The following FGD4 variants were observed in gnomAD, a reference collection of about 807,000 sequenced individuals.
FGD4 encodes the protein FYVE, RhoGEF and PH domain-containing protein 4.
Under a neutral mutation model 102.0 loss-of-function variants are expected in FGD4, and 42 were observed. The ratio of observed to expected loss-of-function variants is 0.41; its 90% CI spans 0.32 to 0.53. FGD4 has a LOEUF of 0.53. FGD4 is among the 20% of genes least tolerant of loss of function. The pLI is 0.21. For synonymous variants in FGD4, 380 were observed against 375.7 expected (o/e 1.01, Z -0.13); for missense variants, 902 against 1,078.2 (o/e 0.84, Z 2.29).
intron 1 of FGD4, among the ~76,000 whole-genome samples, chr12:32,495,326 C>G (rs1321497130): frequency 1.3e-5 from 2 of 152,104 alleles, no homozygotes; most frequent in Admixed American, 6.5e-5. Flanking sequence ...CATGATTCGC[C>G]CCATATTTCA....
In FGD4 at chr12:32,576,393, CT is replaced by C; in HGVS notation, c.448del (p.Ser150GlnfsTer27). On this transcript the variant is annotated frameshift_variant, in exon 3 of 17. Coordinates refer to ENST00000534526, the MANE Select transcript of FGD4 (RefSeq NM_001370298.3). LOFTEE classifies it high-confidence loss of function. ...EIKPASASCVSKEKPSKVSDL... is the reference protein window; with the variant it reads ...EIKPASASCVXKEKPSKVSDL... Reference sequence around the variant, plus strand: ...TTAAACCTGCCTCTGCTTCTTGTGTCTCAAAAGAAAAACCCAGTAAGGTATC... The same window carrying C: ...TTAAACCTGCCTCTGCTTCTTGTGTCCAAAAGAAAAACCCAGTAAGGTATC... 6.2e-7 allele frequency: 1 copy of C among 1,614,062 alleles called. No homozygotes were observed. Among genetic ancestry groups the C allele is most frequent in the Non-Finnish European group, 8.5e-7 (1 of 1,180,020 alleles).
chr12:32,557,753 AAG>A (rs146043736), intron 1 of FGD4, among the ~76,000 whole-genome samples: 1,593 of 152,288 alleles, frequency 0.01, 36 homozygotes, highest in African/African-American at 0.036. Flanking sequence ...TCCCCATAGC[AAG>A]AGAGTTGTAA....
chr12:32,542,979 C>T (rs189894797), intron 1 of FGD4, among the ~76,000 whole-genome samples: 83 of 152,270 alleles, frequency 5.5e-4, no homozygotes, highest in Non-Finnish European at 2.4e-4. Context: ...CTGGAGTTAG[C>T]GTCAGATCCC....
At chr12:32,541,217 A>G (rs890911312) in intron 1 of FGD4, among the ~76,000 whole-genome samples, 1 of 152,198 alleles carries the variant, frequency 6.6e-6, no homozygotes, top group African/African-American at 2.4e-5. Flanking sequence ...ACAATCCCCT[A>G]CACTGTTAGA....
intron 1 of FGD4, among the ~76,000 whole-genome samples, chr12:32,480,695 T>C (rs564932214): frequency 3.3e-5 from 5 of 151,800 alleles, no homozygotes; most frequent in South Asian, 2.1e-4. Flanking sequence ...GAGACGGGGT[T>C]TCACCATGTT....
intron 1 of FGD4, among the ~76,000 whole-genome samples, chr12:32,540,107 A>G (rs1011493086): frequency 9.9e-5 from 15 of 152,226 alleles, no homozygotes; most frequent in Non-Finnish European, 1.9e-4. Context: ...TTGATACAGA[A>G]TGGTAACAAG....
chr12:32,500,798 T>G (rs1483183064), intron 1 of FGD4, among the ~76,000 whole-genome samples: 1 of 152,174 alleles, frequency 6.6e-6, no homozygotes, highest in Non-Finnish European at 1.5e-5. Context: ...TGCATCACCA[T>G]TCTTCTAATT....
intron 1 of FGD4, among the ~76,000 whole-genome samples, chr12:32,527,685 C>T (rs1941395321): frequency 6.6e-6 from 1 of 152,164 alleles, no homozygotes; most frequent in South Asian, 2.1e-4. Context: ...GCCTCGTCCT[C>T]CCAAAGTGCT....
At chr12:32,529,659 A>G (rs1429444200) in intron 1 of FGD4, among the ~76,000 whole-genome samples, 1 of 151,662 alleles carries the variant, frequency 6.6e-6, no homozygotes, top group Non-Finnish European at 1.5e-5. Context: ...CCTGACCAAC[A>G]TGGTGAAACC....
At chr12:32,472,609 C>T (rs911595570) in intron 1 of FGD4, among the ~76,000 whole-genome samples, 1 of 152,228 alleles carries the variant, frequency 6.6e-6, no homozygotes, top group Non-Finnish European at 1.5e-5. Context: ...CCAAGCCTCC[C>T]GGACGAGCAC....
At chr12:32,443,695 C>T (rs902006947) in intron 1 of FGD4, among the ~76,000 whole-genome samples, 1 of 150,742 alleles carries the variant, frequency 6.6e-6, no homozygotes, top group African/African-American at 2.4e-5. Context: ...CTAGTGGTGG[C>T]GAAACATGGA....
In FGD4 at chr12:32,601,397, A is replaced by G; in HGVS notation, c.1221A>G (p.Pro407=). The G allele has an allele frequency of 6.2e-7, 1 of 1,614,020 alleles. No homozygotes were observed. The highest frequency in any genetic ancestry group is 1.3e-5 in the African/African-American group (1 of 75,044). The part of the protein sequence containing the change: ...INAFHSKFLL[P]ELEKRMQEWE... ...CCTTCCATAGTAAATTCCTCTTGCC[A>G]GAGCTGGAGAAACGAATGCAAGAAT... The change falls in exon 6 of 17, where the codon CCA becomes CCG. Residue 407 remains proline, a synonymous_variant. Coordinates refer to ENST00000534526, the MANE Select transcript of FGD4 (RefSeq NM_001370298.3).
intron 1 of FGD4, among the ~76,000 whole-genome samples, chr12:32,493,217 T>G (rs1303301217): frequency 6.6e-6 from 1 of 151,868 alleles, no homozygotes; most frequent in African/African-American, 2.4e-5. Context: ...GAAAAAAGGG[T>G]TTTTGTTTTG....
chr12:32,498,476 T>C (rs976537800), intron 1 of FGD4, among the ~76,000 whole-genome samples: 4 of 152,202 alleles, frequency 2.6e-5, no homozygotes, highest in Non-Finnish European at 5.9e-5. Context: ...TACACCCACA[T>C]CCCATTAGTA....
In FGD4 at chr12:32,550,115, C is replaced by T. The variant is rs114364702; in HGVS notation, c.167-14022C>T. On this transcript the variant is annotated intron_variant, in intron 1 of 16. Transcript: ENST00000534526. ...TTCTTTTCCCATTAGCCATGAGTTA[C>T]TTGAGGGTGAAGATAGTGTCTTATT... Among the ~76,000 whole-genome samples, 549 of 152,154 alleles carry T rather than the reference C, an allele frequency of 3.6e-3. 6 individuals carry two copies. Among genetic ancestry groups the T allele is most frequent in the African/African-American group, 0.013 (525 of 41,506 alleles).
intron 1 of FGD4, among the ~76,000 whole-genome samples, chr12:32,557,152 A>C (rs1051143684): frequency 6.6e-6 from 1 of 152,246 alleles, no homozygotes; most frequent in East Asian, 1.9e-4. Flanking sequence ...GATGCCCAGC[A>C]GGGATATGCT....
At chr12:32,571,465 AAG>A (rs1163446865) in intron 2 of FGD4, among the ~76,000 whole-genome samples, 3 of 152,064 alleles carry the variant, frequency 2.0e-5, no homozygotes, top group Non-Finnish European at 4.4e-5. Context: ...AAAAAAAAAA[AAG>A]AAAAAAAGAG....
In FGD4 at chr12:32,432,414, G is replaced by A. The variant is rs776736914; in HGVS notation, c.166+32455G>A. 6.6e-5 allele frequency among the ~76,000 whole-genome samples: 10 copies of A among 151,544 alleles called. No individual in the cohort carries two copies. The South Asian group carries it at 8.4e-4, about 13-fold the overall frequency. The stretch of plus-strand genomic sequence containing the variant: ...GTGGATCACTTGAGGTCAGGATTTC[G>A]AGACCAGCCTGGCCAACATGGTGAA... On this transcript the variant is annotated intron_variant, in intron 1 of 16. Coordinates refer to ENST00000534526, the MANE Select transcript of FGD4 (RefSeq NM_001370298.3).
chr12:32,561,068 G>A (rs1944508745), intron 1 of FGD4, among the ~76,000 whole-genome samples: 1 of 100,912 alleles, frequency 9.9e-6, no homozygotes, highest in East Asian at 2.8e-4. Flanking sequence ...TTTCTTTGTT[G>A]GGTTTTGTTT....
Sources: allele counts gnomAD v4.1 joint callset (sites outside exome capture counted in the v4.1 genomes callset), GRCh38; gene constraint gnomAD v4.1.1; transcripts MANE v1.5; gene names NCBI Gene and HGNC (gene_info 2026-07-23, HGNC 2026-07-21).